The following MMD2 variants were observed in gnomAD, a reference collection of about 807,000 sequenced individuals.
MMD2 encodes the protein monocyte to macrophage differentiation associated 2.
A neutral mutation model predicts 33.5 loss-of-function variants in MMD2; 30 were observed. The ratio of observed to expected loss-of-function variants is 0.90; its 90% confidence interval spans 0.67 to 1.22. The LOEUF (loss-of-function observed/expected upper bound fraction) is 1.22. MMD2 is among the 50% of genes most tolerant of loss of function. The pLI, the probability that MMD2 is intolerant of heterozygous loss-of-function variation, is 0.00. For synonymous variants in MMD2, 129 were observed against 123.0 expected (o/e 1.05, Z -0.32); for missense variants, 364 against 325.4 (o/e 1.12, Z -0.91).
At chr7:4,918,234 C>T (rs900299213) in intron 3 of MMD2, among the ~76,000 whole-genome samples, 11 of 152,160 alleles carry the variant, frequency 7.2e-5, no homozygotes, top group African/African-American at 2.4e-4. Context: ...AGCCATAGTG[C>T]TCTGGGATAC....
At chr7:4,923,169 T>C (rs1023503687) in intron 2 of MMD2, among the ~76,000 whole-genome samples, 4 of 151,864 alleles carry the variant, frequency 2.6e-5, no homozygotes, top group Non-Finnish European at 5.9e-5. Context: ...AGTGGCACAA[T>C]CTTGGCTCAC....
intron 1 of MMD2, among the ~76,000 whole-genome samples, chr7:4,933,356 T>C (rs1200032391): frequency 1.3e-5 from 2 of 152,150 alleles, no homozygotes; most frequent in African/African-American, 2.4e-5. Flanking sequence ...AGCATGATTG[T>C]CTCAAAATAA....
intron 1 of MMD2, among the ~76,000 whole-genome samples, chr7:4,942,246 C>A (rs1378801313): frequency 6.6e-6 from 1 of 151,598 alleles, no homozygotes. Context: ...AGCCACCATG[C>A]CTGGTCTTAT....
chr7:4,947,361 C>A (rs1786116403), intron 1 of MMD2, among the ~76,000 whole-genome samples: 1 of 150,210 alleles, frequency 6.7e-6, no homozygotes. Context: ...TACATGGGAG[C>A]AGGAGGAAGG....
intron 3 of MMD2, among the ~76,000 whole-genome samples, chr7:4,918,099 T>A (rs992811500): frequency 6.6e-6 from 1 of 152,126 alleles, no homozygotes; most frequent in Non-Finnish European, 1.5e-5. Context: ...CCAGCCCCAG[T>A]CAAGCCATCA....
chr7:4,921,597 G>C (rs915959162), intron 2 of MMD2, among the ~76,000 whole-genome samples: 24 of 149,788 alleles, frequency 1.6e-4, no homozygotes, highest in African/African-American at 5.7e-4. Flanking sequence ...CTCCAGCCTG[G>C]GCGACAGAGC....
rs893416049 is a variant in MMD2 at position 4,912,603 on chromosome 7, A to G, written c.366-1357T>C. Among the ~76,000 whole-genome samples, 25 of 151,282 alleles carry G rather than the reference A, an allele frequency of 1.7e-4. 1 individual carries two copies. The highest frequency in any genetic ancestry group is 1.3e-3 in the Admixed American group (19 of 15,138). ...GATAACGGTCAATGCACAGAAAAAG[A>G]TCTGAACCTCTTCCTAAGTGGTTTT... On this transcript the variant is annotated intron_variant, in intron 4 of 6. Transcript: ENST00000401401.
At chr7:4,897,049 G>A in the MMD2 span, among the ~76,000 whole-genome samples, 2 of 151,504 alleles carry the variant, frequency 1.3e-5, no homozygotes, top group African/African-American at 4.8e-5. Context: ...TAGTAGAGAC[G>A]GGGTTTCGCC....
At chr7:4,897,388 T>C in the MMD2 span, among the ~76,000 whole-genome samples, 1 of 152,226 alleles carries the variant, frequency 6.6e-6, no homozygotes, top group Non-Finnish European at 1.5e-5. Flanking sequence ...AAAATAGCAA[T>C]TTCACAAACA....
At chr7:4,900,270 A>AT in the MMD2 span, among the ~76,000 whole-genome samples, 1 of 152,196 alleles carries the variant, frequency 6.6e-6, no homozygotes, top group African/African-American at 2.4e-5. Flanking sequence ...TCAAAAAAAA[A>AT]GAAAAAGAAA....
At chr7:4,901,580 T>C (rs1784794906), downstream of MMD2, among the ~76,000 whole-genome samples, 1 of 152,098 alleles carries the variant, frequency 6.6e-6, no homozygotes, top group South Asian at 2.1e-4. Flanking sequence ...GGCCCAAGGG[T>C]CTTGCACACT....
intron 1 of MMD2, among the ~76,000 whole-genome samples, chr7:4,926,101 G>A (rs759252931): frequency 3.4e-5 from 5 of 149,240 alleles, no homozygotes; most frequent in South Asian, 4.3e-4. Context: ...ATACCACGCC[G>A]GGCTTTTTTT....
At chr7:4,922,469 TA>T (rs200499778) in intron 2 of MMD2, among the ~76,000 whole-genome samples, 1 of 151,242 alleles carries the variant, frequency 6.6e-6, no homozygotes, top group Admixed American at 6.6e-5. Flanking sequence ...AGACTCCATT[TA>T]AAAAAAAATA....
chr7:4,953,471 G>C (rs1011436201), intron 1 of MMD2, among the ~76,000 whole-genome samples: 2 of 130,278 alleles, frequency 1.5e-5, no homozygotes, highest in South Asian at 2.8e-4. Context: ...GTGTGATTCA[G>C]TCTCTTTTTT....
rs1306313907 is a variant in MMD2, at chr7:4,909,905, G to A, written c.513C>T (p.Phe171=). 8.7e-6 allele frequency: 14 copies of A among 1,613,736 alleles called. No homozygotes were observed. The highest frequency in any genetic ancestry group is 4.5e-5 in the East Asian group (2 of 44,882). Residue 171 remains phenylalanine (F), a synonymous_variant, in exon 6 of 7, where the codon TTC becomes TTT. Coordinates refer to ENST00000401401, the MANE Select transcript of MMD2 (RefSeq NM_198403.4). ...CCATGGAGAGGATGACCAGGGCGGG[G>A]AAGAAGCCCATTACGACGTAGCAGA... ...ELLCYVVMGF[F]PALVILSMPN...
At chr7:4,897,930 G>A in the MMD2 span, among the ~76,000 whole-genome samples, 2 of 152,112 alleles carry the variant, frequency 1.3e-5, no homozygotes, top group Admixed American at 6.6e-5. Context: ...TAGAGATGGT[G>A]TTTCACCATG....
chr7:4,909,878 T>C lies in MMD2; in HGVS notation c.537+3A>G, dbSNP rs377369139. The C allele has an allele frequency of 1.2e-5, 19 of 1,611,298 alleles. No individual in the cohort carries two copies. The highest frequency in any genetic ancestry group is 1.7e-5 in the Admixed American group (1 of 59,374). Reference sequence around the variant, plus strand: ...TCATCTATGCAGGGCTGGCAGCACTTACCATGGAGAGGATGACCAGGGCGG... The same window carrying C: ...TCATCTATGCAGGGCTGGCAGCACTCACCATGGAGAGGATGACCAGGGCGG... On this transcript the variant is annotated splice_donor_region_variant and intron_variant, in intron 6 of 6. Coordinates refer to ENST00000401401, the MANE Select transcript of MMD2 (RefSeq NM_198403.4).
intron 3 of MMD2, among the ~76,000 whole-genome samples, chr7:4,917,991 C>T (rs989140628): frequency 4.6e-5 from 7 of 152,162 alleles, no homozygotes; most frequent in East Asian, 1.9e-4. Flanking sequence ...TCTATTAAGT[C>T]GCTAAGTTTG....
chr7:4,911,943 G>A (rs915665960), intron 4 of MMD2, among the ~76,000 whole-genome samples: 1 of 151,742 alleles, frequency 6.6e-6, no homozygotes, highest in Non-Finnish European at 1.5e-5. Flanking sequence ...CACCGCGCCC[G>A]GCCTCCAATC....
Sources: gnomAD v4.1 joint callset for allele counts (sites outside exome capture counted in the v4.1 genomes callset) on GRCh38, gnomAD v4.1.1 for gene constraint, MANE v1.5 for transcripts, NCBI Gene and HGNC (gene_info 2026-07-23, HGNC 2026-07-21) for gene names.